The following PRUNE2 variants were observed in gnomAD, a reference collection of about 807,000 sequenced individuals.
The protein encoded by PRUNE2 is protein prune homolog 2.
A neutral mutation model predicts 252.0 loss-of-function variants in PRUNE2; 164 were observed. The observed-to-expected ratio is 0.65, with a 90% CI of 0.57 to 0.74. The LOEUF (loss-of-function observed/expected upper bound fraction) is 0.74. Ranked by LOEUF, PRUNE2 falls within the 30% of genes least tolerant of loss-of-function variation. The probability of loss-of-function intolerance (pLI) is 0.00; values close to 1 mark genes in which losing one functional copy is unlikely to be tolerated. For missense variants in PRUNE2, 3,495 were observed against 3,711.0 expected, an observed-to-expected ratio of 0.94 and a Z score of 1.51; for synonymous variants, 1,292 against 1,350.2, an observed-to-expected ratio of 0.96 and a Z score of 0.94.
intron 6 of PRUNE2, among the ~76,000 whole-genome samples, chr9:76,797,438 A>G (rs992289499): frequency 1.3e-5 from 2 of 152,152 alleles, no homozygotes; most frequent in Non-Finnish European, 2.9e-5. Flanking sequence ...TGCATATTTT[A>G]CCAGATAATA....
chr9:76,892,866 T>A (rs1014976099), intron 1 of PRUNE2, among the ~76,000 whole-genome samples: 6 of 152,234 alleles, frequency 3.9e-5, no homozygotes, highest in African/African-American at 1.4e-4. Flanking sequence ...AAACTGAGCC[T>A]GAAATATAAT....
intron 6 of PRUNE2, among the ~76,000 whole-genome samples, chr9:76,774,461 T>TTTTTA (rs1564272766): frequency 1.3e-5 from 1 of 74,816 alleles, no homozygotes; most frequent in Non-Finnish European, 2.6e-5. Context: ...TTTTTTTTTT[T>TTTTTA]TTTTTTTTTT....
chr9:76,670,171 T>A (rs1401740771), intron 9 of PRUNE2, among the ~76,000 whole-genome samples: 3 of 152,072 alleles, frequency 2.0e-5, no homozygotes, highest in African/African-American at 7.2e-5. Context: ...TGCCAGACAG[T>A]GGGCACAGGT....
chr9:76,887,732 C>T (rs1255316828), intron 1 of PRUNE2, among the ~76,000 whole-genome samples: 2 of 152,226 alleles, frequency 1.3e-5, no homozygotes, highest in Non-Finnish European at 2.9e-5. Flanking sequence ...ACAGCTGTTG[C>T]TCCTTTTGCC....
chr9:76,661,980 C>A lies in PRUNE2; in HGVS notation c.8277-6478G>T, dbSNP rs534128584. Among the ~76,000 whole-genome samples, 15 of 152,100 alleles carry A rather than the reference C, an allele frequency of 9.9e-5. No homozygotes were observed. In the South Asian group the frequency reaches 3.1e-3, roughly 32 times the overall value. On this transcript the variant is annotated intron_variant, in intron 9 of 18. Transcript: ENST00000376718. ...ATTCTCTGACTTCGGGGCCATACCT[C>A]TAGTTATCAATCACAAAAAGTCTCC...
chr9:76,753,670 T>C (rs1021995366), intron 6 of PRUNE2, among the ~76,000 whole-genome samples: 1 of 152,040 alleles, frequency 6.6e-6, no homozygotes, highest in African/African-American at 2.4e-5. Context: ...GTGCCAGCAC[T>C]TTGGGAGGCC....
At chr9:76,688,775 T>A (rs1312536383) in intron 9 of PRUNE2, among the ~76,000 whole-genome samples, 1 of 152,248 alleles carries the variant, frequency 6.6e-6, no homozygotes, top group Non-Finnish European at 1.5e-5. Flanking sequence ...ACAGACTTCC[T>A]TGTTGCAGCC....
chr9:76,712,464 C>T (rs55716231), intron 7 of PRUNE2, among the ~76,000 whole-genome samples: 3,037 of 130,076 alleles, frequency 0.023, 107 homozygotes, highest in African/African-American at 0.083. Context: ...CAGCGATCCA[C>T]CTCTGGCTAT....
At chr9:76,809,287 C>A (rs1040607119) in intron 6 of PRUNE2, among the ~76,000 whole-genome samples, 14 of 152,196 alleles carry the variant, frequency 9.2e-5, no homozygotes, top group African/African-American at 3.4e-4. Context: ...AATATTTAAC[C>A]TCTATTTCAG....
In PRUNE2 at chr9:76,734,767, C is replaced by T. The variant is rs537191008; in HGVS notation, c.757-21046G>A. On this transcript the variant is annotated intron_variant, in intron 6 of 18. Transcript: ENST00000376718. ...GTGTGGCAGGTGACCCAGGCCTAGC[C>T]ATACTCTGTTCCATCCACTTGGCCA... 1.4e-4 allele frequency among the ~76,000 whole-genome samples: 22 copies of T among 152,280 alleles called. No individual in the cohort carries two copies. In the East Asian group the frequency reaches 4.0e-3, roughly 28 times the overall value.
At chr9:76,686,974 C>T (rs1489871064) in intron 9 of PRUNE2, among the ~76,000 whole-genome samples, 2 of 152,166 alleles carry the variant, frequency 1.3e-5, no homozygotes, top group East Asian at 1.9e-4. Context: ...CTCCTGGCCT[C>T]GAGTGATCCT....
At chr9:76,746,105 T>C (rs11145038) in intron 6 of PRUNE2, among the ~76,000 whole-genome samples, 33,580 of 152,070 alleles carry the variant, frequency 0.22, 4,842 homozygotes, top group East Asian at 0.49. Context: ...CAGGATGTGA[T>C]ATTGTGAAGT....
chr9:76,706,459 G>C lies in PRUNE2; in HGVS notation c.5815C>G (p.Gln1939Glu). 1 of 1,613,992 alleles carries C rather than the reference G, an allele frequency of 6.2e-7. No individual in the cohort carries two copies. The highest frequency in any genetic ancestry group is 1.7e-5 in the Admixed American group (1 of 60,020). The change falls in exon 8 of 19, where the codon CAA (glutamine) becomes GAA (glutamate). Residue 1939 changes from glutamine (Q) to glutamate (E), a missense_variant. Coordinates refer to ENST00000376718, the MANE Select transcript of PRUNE2 (RefSeq NM_015225.3). ...DQIKEKDSRE[Q>E]TFVSAAGDEL... is the part of the protein sequence containing the mutation. ...TCACCAGCAGCAGACACAAAGGTTTGCTCTCTTGAGTCCTTTTCTTTAATT... is the reference window on the plus strand; with the variant it reads ...TCACCAGCAGCAGACACAAAGGTTTCCTCTCTTGAGTCCTTTTCTTTAATT...
At chr9:76,744,858 C>T (rs1375740310) in intron 6 of PRUNE2, among the ~76,000 whole-genome samples, 3 of 152,158 alleles carry the variant, frequency 2.0e-5, no homozygotes, top group African/African-American at 7.2e-5. Context: ...AGGTAGCAGA[C>T]CAAAGGATGC....
At chr9:76,635,230 C>T (rs1168176440) in intron 15 of PRUNE2, among the ~76,000 whole-genome samples, 2 of 152,132 alleles carry the variant, frequency 1.3e-5, no homozygotes, top group Admixed American at 6.6e-5. Flanking sequence ...CCTTGGCCTC[C>T]CAAACTGCTG....
intron 9 of PRUNE2, among the ~76,000 whole-genome samples, chr9:76,672,939 C>T: frequency 6.9e-6 from 1 of 144,590 alleles, no homozygotes; most frequent in South Asian, 2.3e-4. Flanking sequence ...TAAATGCCCA[C>T]AAGAGAAAGC....
At chr9:76,666,524 CCTCT>C (rs2040210430) in intron 9 of PRUNE2, among the ~76,000 whole-genome samples, 1 of 152,008 alleles carries the variant, frequency 6.6e-6, no homozygotes, top group Non-Finnish European at 1.5e-5. Flanking sequence ...CGTAAGCTGT[CCTCT>C]CTCTCTCCCT....
intron 6 of PRUNE2, among the ~76,000 whole-genome samples, chr9:76,776,352 C>T (rs560172724): frequency 6.6e-6 from 1 of 152,052 alleles, no homozygotes; most frequent in Non-Finnish European, 1.5e-5. Flanking sequence ...TGTGTACACA[C>T]TGTTTAGCCC....
At chr9:76,812,814 G>A (rs988074775) in intron 6 of PRUNE2, among the ~76,000 whole-genome samples, 2 of 152,202 alleles carry the variant, frequency 1.3e-5, no homozygotes, top group African/African-American at 4.8e-5. Context: ...ATTTCGCAGT[G>A]CTGTGCCGGA....
Sources: allele counts gnomAD v4.1 joint callset (sites outside exome capture counted in the v4.1 genomes callset), GRCh38; gene constraint gnomAD v4.1.1; transcripts MANE v1.5; gene names NCBI Gene and HGNC (gene_info 2026-07-23, HGNC 2026-07-21).